Variants in CORO2B observed in about 807,000 individuals in gnomAD.
The protein encoded by CORO2B is coronin-2B.
A neutral mutation model predicts 58.8 loss-of-function variants in CORO2B; 26 were observed. That is an observed-to-expected ratio of 0.44 (90% CI 0.32 to 0.61). The LOEUF (loss-of-function observed/expected upper bound fraction) is 0.61. Among genes scored for constraint, CORO2B ranks in the 20% least tolerant of loss-of-function variants. The probability of loss-of-function intolerance (pLI) is 0.04; values close to 1 mark genes in which losing one functional copy is unlikely to be tolerated. For synonymous variants in CORO2B, 242 were observed against 253.8 expected (o/e 0.95, Z 0.44); for missense variants, 460 against 645.1 (o/e 0.71, Z 3.11).
chr15:68,549,875 A>G, the CORO2B span, among the ~76,000 whole-genome samples: 1 of 152,076 alleles, frequency 6.6e-6, no homozygotes, highest in African/African-American at 2.4e-5. Context: ...TGGAAGATGG[A>G]GGTTGCAGTG....
At chr15:68,571,750 T>C in the CORO2B span, among the ~76,000 whole-genome samples, 1 of 152,206 alleles carries the variant, frequency 6.6e-6, no homozygotes, top group Non-Finnish European at 1.5e-5. Context: ...AGCCTTGTTC[T>C]TGGGAACAGG....
At chr15:68,588,985 C>T (rs1217994012) in intron 1 of CORO2B, among the ~76,000 whole-genome samples, 1 of 152,104 alleles carries the variant, frequency 6.6e-6, no homozygotes, top group African/African-American at 2.4e-5. Context: ...CCTGAGTGGC[C>T]AACTGATAAC....
chr15:68,689,557 T>C (rs983313316), intron 2 of CORO2B, among the ~76,000 whole-genome samples: 1 of 152,220 alleles, frequency 6.6e-6, no homozygotes, highest in Non-Finnish European at 1.5e-5. Flanking sequence ...TTAGTGTTGG[T>C]GTTAGTGTAT....
intron 2 of CORO2B, among the ~76,000 whole-genome samples, chr15:68,649,994 T>C (rs948099212): frequency 1.3e-5 from 2 of 152,204 alleles, no homozygotes; most frequent in Non-Finnish European, 2.9e-5. Flanking sequence ...CCCCAGACCA[T>C]ACACTGAGGA....
the CORO2B span, among the ~76,000 whole-genome samples, chr15:68,531,371 C>T: frequency 6.6e-6 from 1 of 151,332 alleles, no homozygotes; most frequent in East Asian, 1.9e-4. Context: ...GTGATGTGTG[C>T]CTGTAATCCC....
At position 68,710,821 on chromosome 15, in the gene CORO2B, G is replaced by T. The variant is rs1266399950; in HGVS notation, c.423G>T (p.Gly141=). The change falls in exon 4 of 12, where the codon GGG becomes GGT. Residue 141 remains glycine, a synonymous_variant. Coordinates refer to ENST00000261861, the MANE Select transcript of CORO2B (RefSeq NM_006091.5). This position sits in a 1 kb window ranked among gnomAD's most constrained non-coding sequence, Gnocchi z 4.1. ...LELHGHSRRV[G]LVEWHPTTNN... is the part of the protein sequence containing the mutation. ...TGCACGGGCACAGCCGGCGTGTGGG[G>T]CTGGTCGAGTGGCACCCCACCACCA... 6.2e-7 allele frequency: 1 copy of T among 1,611,812 alleles called. No homozygotes were observed. The highest frequency in any genetic ancestry group is 1.7e-5 in the Admixed American group (1 of 59,706).
intron 5 of CORO2B, among the ~76,000 whole-genome samples, chr15:68,713,253 C>G (rs1220866856): frequency 6.6e-6 from 1 of 152,108 alleles, no homozygotes; most frequent in South Asian, 2.1e-4. Context: ...TGATTTCTTC[C>G]GATAGATATT....
At chr15:68,650,977 T>G (rs1037964278) in intron 2 of CORO2B, among the ~76,000 whole-genome samples, 1 of 152,070 alleles carries the variant, frequency 6.6e-6, no homozygotes, top group Admixed American at 6.5e-5. Context: ...TTATGTATGT[T>G]GCAAATGTTT....
chr15:68,655,878 C>T (rs1405438686), intron 2 of CORO2B, among the ~76,000 whole-genome samples: 1 of 152,186 alleles, frequency 6.6e-6, no homozygotes, highest in Non-Finnish European at 1.5e-5. Flanking sequence ...CAGTGACTCT[C>T]AGCACTTCAA....
upstream of CORO2B, among the ~76,000 whole-genome samples, chr15:68,574,058 C>T (rs1217920014): frequency 6.6e-6 from 1 of 152,134 alleles, no homozygotes; most frequent in East Asian, 1.9e-4. Context: ...AACCTGAGGA[C>T]ACCAGGGAGC....
intron 2 of CORO2B, among the ~76,000 whole-genome samples, chr15:68,655,504 A>C (rs1429955312): frequency 6.6e-6 from 1 of 152,164 alleles, no homozygotes; most frequent in African/African-American, 2.4e-5. Context: ...ACAAGTCCTG[A>C]TCCCAAAAAG....
At chr15:68,547,555 G>C in the CORO2B span, among the ~76,000 whole-genome samples, 1 of 151,942 alleles carries the variant, frequency 6.6e-6, no homozygotes, top group Non-Finnish European at 1.5e-5. Context: ...TGTTAGCCAG[G>C]ATGGTCTCAA....
rs1183647606 is a variant in CORO2B, at chr15:68,710,898, C to G, written c.483+17C>G. ...GACTACAAGGTATGCAGTGGGCAGG[C>G]AGCTGGGTGGAGAGGGATTGGGGAA... On this transcript the variant is annotated intron_variant, in intron 4 of 11. Transcript: ENST00000261861. This position sits in a 1 kb window ranked among gnomAD's most constrained non-coding sequence, Gnocchi z 4.1. The G allele has an allele frequency of 6.3e-6, 10 of 1,581,252 alleles. No individual in the cohort carries two copies. The South Asian group carries it at 1.1e-4, about 17-fold the overall frequency.
intron 2 of CORO2B, among the ~76,000 whole-genome samples, chr15:68,656,899 C>G (rs1901824831): frequency 6.6e-6 from 1 of 152,188 alleles, no homozygotes; most frequent in Admixed American, 6.5e-5. Context: ...TGGCTCAGGG[C>G]AAACCTTTCA....
At chr15:68,653,905 G>C (rs7167348) in intron 2 of CORO2B, among the ~76,000 whole-genome samples, 1 of 151,756 alleles carries the variant, frequency 6.6e-6, no homozygotes, top group Non-Finnish European at 1.5e-5. Flanking sequence ...TCTGCAGTGA[G>C]GTCTCCGCCC....
chr15:68,629,656 A>C (rs184015780), intron 1 of CORO2B, among the ~76,000 whole-genome samples: 32 of 152,304 alleles, frequency 2.1e-4, no homozygotes, highest in African/African-American at 7.5e-4. Flanking sequence ...TGTCCTTATG[A>C]AATGGTCAGG....
chr15:68,596,874 C>G (rs921673369), intron 1 of CORO2B, among the ~76,000 whole-genome samples: 2 of 152,142 alleles, frequency 1.3e-5, no homozygotes, highest in African/African-American at 2.4e-5. Flanking sequence ...ACAGGCCACC[C>G]CAGCCACTCT....
the CORO2B span, among the ~76,000 whole-genome samples, chr15:68,565,528 T>A: frequency 7.3e-5 from 11 of 149,804 alleles, no homozygotes; most frequent in African/African-American, 2.0e-4. Flanking sequence ...CAAATAAAAA[T>A]AAATATATAT....
chr15:68,548,797 A>G, the CORO2B span, among the ~76,000 whole-genome samples: 2 of 152,222 alleles, frequency 1.3e-5, no homozygotes, highest in Non-Finnish European at 2.9e-5. Flanking sequence ...GAGGTTGAAC[A>G]ACTTTTCATG....
Sources: gnomAD v4.1 joint callset for allele counts (sites outside exome capture counted in the v4.1 genomes callset) on GRCh38, gnomAD v4.1.1 for gene constraint, Gnocchi (gnomAD v3.1) non-coding constraint, MANE v1.5 for transcripts, NCBI Gene and HGNC (gene_info 2026-07-23, HGNC 2026-07-21) for gene names.